PPP1R9A: variants seen among roughly 807,000 people sequenced by gnomAD.
PPP1R9A encodes the protein neurabin-1.
PPP1R9A carries 59 observed loss-of-function variants against 141.9 expected under a neutral mutation model. The ratio of observed to expected loss-of-function variants is 0.42; its 90% CI spans 0.34 to 0.52. The LOEUF (loss-of-function observed/expected upper bound fraction) is 0.52, where lower values mean the gene tolerates loss of function less well. Among genes scored for constraint, PPP1R9A ranks in the 20% least tolerant of loss-of-function variants. The pLI is 0.10. For missense variants in PPP1R9A, 1,444 were observed against 1,611.9 expected (o/e 0.90, Z 1.78); for synonymous variants, 500 against 569.7 (o/e 0.88, Z 1.74).
At chr7:95,271,558 G>A (rs1472595830) in intron 14 of PPP1R9A, among the ~76,000 whole-genome samples, 2 of 152,168 alleles carry the variant, frequency 1.3e-5, no homozygotes, top group Non-Finnish European at 2.9e-5. Flanking sequence ...GGTCATGAGC[G>A]CAAGAGAGAG....
At chr7:95,261,848 T>C (rs983431927) in intron 12 of PPP1R9A, among the ~76,000 whole-genome samples, 1 of 152,210 alleles carries the variant, frequency 6.6e-6, no homozygotes, top group African/African-American at 2.4e-5. Flanking sequence ...ACATCTATTA[T>C]ATTACACTTC....
rs193209141 is a variant in PPP1R9A at position 95,141,121 on chromosome 7, G to A, written c.1649+20289G>A. Among the ~76,000 whole-genome samples, 12 of 152,078 alleles carry A rather than the reference G, an allele frequency of 7.9e-5. No homozygotes were observed. In the East Asian group the frequency reaches 2.3e-3, roughly 29 times the overall value. On this transcript the variant is annotated intron_variant, in intron 4 of 19. Transcript: ENST00000433360. ...GGTAAAGTATTTCAGTCTTATGCATGGTGAAATAAGGGTGAGGTGAAGTCA... is the reference window on the plus strand; with the variant it reads ...GGTAAAGTATTTCAGTCTTATGCATAGTGAAATAAGGGTGAGGTGAAGTCA...
In PPP1R9A at chr7:95,118,997, AAG is replaced by A. The variant is rs1244838615; in HGVS notation, c.1529-1713_1529-1712del. On this transcript the variant is annotated intron_variant, in intron 3 of 19. Coordinates refer to ENST00000433360, the MANE Select transcript of PPP1R9A (RefSeq NM_001166160.2). ...ACCTTGTCTCAAACAAAAAAAAAAA[AAG>A]AAGAAGAAGAAAGAAAAACAGAAAA... Among the ~76,000 whole-genome samples the A allele has an allele frequency of 1.4e-3, 215 of 148,554 alleles. 5 individuals are homozygous for A. The highest frequency in any genetic ancestry group is 0.012 in the Admixed American group (172 of 14,778).
intron 2 of PPP1R9A, among the ~76,000 whole-genome samples, chr7:95,028,262 A>G (rs951016086): frequency 1.3e-5 from 2 of 152,160 alleles, no homozygotes; most frequent in African/African-American, 4.8e-5. Context: ...TTTTAGATCA[A>G]TTTAGTAATG....
chr7:95,269,619 T>A, intron 14 of PPP1R9A, 112 bp downstream of exon 14: 1 of 789,830 alleles, frequency 1.3e-6, no homozygotes, highest in Non-Finnish European at 1.8e-6. Context: ...TAATTAATAT[T>A]AATTTCTTTT....
chr7:95,086,239 G>A (rs1816617078), intron 2 of PPP1R9A, among the ~76,000 whole-genome samples: 1 of 151,928 alleles, frequency 6.6e-6, no homozygotes, highest in Admixed American at 6.6e-5. Context: ...CATTGTAGAA[G>A]TGGTTTTTAT....
intron 4 of PPP1R9A, among the ~76,000 whole-genome samples, chr7:95,158,490 C>T (rs1273574145): frequency 6.6e-6 from 1 of 151,980 alleles, no homozygotes; most frequent in African/African-American, 2.4e-5. Context: ...CCCCATCCCC[C>T]ACCTCCCCAA....
At chr7:95,189,528 C>T (rs923080270) in intron 5 of PPP1R9A, among the ~76,000 whole-genome samples, 2 of 148,250 alleles carry the variant, frequency 1.3e-5, no homozygotes, top group Admixed American at 1.3e-4. Flanking sequence ...GCTCCGCCTC[C>T]CGGGTTCACG....
At chr7:95,225,882 CTT>C in intron 7 of PPP1R9A, 77 bp from the exon 8 acceptor site, 3 of 1,468,414 alleles carry the variant, frequency 2.0e-6, no homozygotes, top group Non-Finnish European at 2.8e-6. Flanking sequence ...TCTTACTTGT[CTT>C]TTATAAAATA....
At chr7:95,235,872 T>C (rs995590111) in intron 8 of PPP1R9A, among the ~76,000 whole-genome samples, 2 of 152,228 alleles carry the variant, frequency 1.3e-5, no homozygotes, top group African/African-American at 2.4e-5. Context: ...GAGACTATTA[T>C]TCTAAGTGAA....
chr7:95,031,848 A>C (rs1313910164), intron 2 of PPP1R9A, among the ~76,000 whole-genome samples: 1 of 152,190 alleles, frequency 6.6e-6, no homozygotes, highest in African/African-American at 2.4e-5. Flanking sequence ...AATTATGGAA[A>C]TGGGAAGATA....
intron 8 of PPP1R9A, among the ~76,000 whole-genome samples, chr7:95,238,227 T>A (rs545188982): frequency 6.6e-6 from 1 of 152,170 alleles, no homozygotes; most frequent in East Asian, 1.9e-4. Context: ...CACCTATACT[T>A]CTTTCTGTCC....
At chr7:95,176,037 G>A (rs528805359) in intron 5 of PPP1R9A, among the ~76,000 whole-genome samples, 6 of 152,008 alleles carry the variant, frequency 3.9e-5, no homozygotes, top group East Asian at 1.9e-4. Context: ...GCTCCATAAC[G>A]ACTGCAGGAA....
chr7:95,138,809 C>CA (rs1412582699), intron 4 of PPP1R9A, among the ~76,000 whole-genome samples: 1 of 152,152 alleles, frequency 6.6e-6, no homozygotes, highest in Non-Finnish European at 1.5e-5. Context: ...TATTACTGCA[C>CA]ACCTAGTAGA....
chr7:95,151,009 C>A lies in PPP1R9A; in HGVS notation c.1650-10858C>A, dbSNP rs560220784. Among the ~76,000 whole-genome samples, 12 of 152,304 alleles carry A rather than the reference C, an allele frequency of 7.9e-5. No homozygotes were observed. In the East Asian group the frequency reaches 2.1e-3, roughly 27 times the overall value. On this transcript the variant is annotated intron_variant, in intron 4 of 19. Coordinates refer to ENST00000433360, the MANE Select transcript of PPP1R9A (RefSeq NM_001166160.2). ...TAGCTAAAATTCAAAACACTGACAACAAATGCTGACAAGGATGTAGAGCAA... is the reference window on the plus strand; with the variant it reads ...TAGCTAAAATTCAAAACACTGACAAAAAATGCTGACAAGGATGTAGAGCAA...
intron 5 of PPP1R9A, among the ~76,000 whole-genome samples, chr7:95,167,386 A>G (rs1329580969): frequency 6.6e-6 from 1 of 152,296 alleles, no homozygotes; most frequent in Middle Eastern, 3.4e-3. Flanking sequence ...CAGCCAAACC[A>G]TATCAATACC....
intron 4 of PPP1R9A, among the ~76,000 whole-genome samples, chr7:95,150,154 CAAA>C (rs36047908): frequency 6.5e-5 from 6 of 92,434 alleles, no homozygotes; most frequent in Non-Finnish European, 7.6e-5. Context: ...ATCCCCCTGC[CAAA>C]AAAAAAAAAA....
At chr7:95,079,300 G>A (rs1433614264) in intron 2 of PPP1R9A, among the ~76,000 whole-genome samples, 5 of 151,984 alleles carry the variant, frequency 3.3e-5, no homozygotes, top group East Asian at 1.9e-4. Context: ...GTAGATATGC[G>A]GCATTATTTC....
At chr7:94,981,686 A>G (rs1800130800) in intron 2 of PPP1R9A, among the ~76,000 whole-genome samples, 1 of 152,160 alleles carries the variant, frequency 6.6e-6, no homozygotes, top group Admixed American at 6.5e-5. Context: ...ATACATATGT[A>G]CATATATTCT....
Sources: allele counts gnomAD v4.1 joint callset (sites outside exome capture counted in the v4.1 genomes callset), GRCh38; gene constraint gnomAD v4.1.1; transcripts MANE v1.5; gene names NCBI Gene and HGNC (gene_info 2026-07-23, HGNC 2026-07-21).